Variants in OCM observed in about 807,000 individuals in gnomAD.
OCM encodes the protein oncomodulin-1.
Under a neutral mutation model 14.1 loss-of-function variants are expected in OCM, and 18 were observed. The ratio of observed to expected loss-of-function variants is 1.28; its 90% CI spans 0.88 to 1.89. The LOEUF is 1.89. Ranked by LOEUF, OCM falls within the 40% of genes most tolerant of loss-of-function variation. The pLI is 0.00. For synonymous variants in OCM, 48 were observed against 51.0 expected, an observed-to-expected ratio of 0.94 and a Z score of 0.25; for missense variants, 140 against 137.6, an observed-to-expected ratio of 1.02 and a Z score of -0.09.
the OCM span, among the ~76,000 whole-genome samples, chr7:5,870,551 G>A: frequency 6.6e-6 from 1 of 152,208 alleles, no homozygotes; most frequent in Non-Finnish European, 1.5e-5. Context: ...GGCCGTGTAG[G>A]AAAAGCAGGG....
upstream of OCM, among the ~76,000 whole-genome samples, chr7:5,877,838 A>G (rs1781126467): frequency 6.9e-6 from 1 of 145,892 alleles, no homozygotes; most frequent in Non-Finnish European, 1.5e-5. Context: ...AAAAAAAAAA[A>G]AAAAAAGGAG....
At position 5,883,881 on chromosome 7, in the gene OCM, A is replaced by G. The variant is rs769388560; in HGVS notation, c.195-9A>G. On this transcript the variant is annotated splice_polypyrimidine_tract_variant and intron_variant, in intron 2 of 3. Coordinates refer to ENST00000242104, the MANE Select transcript of OCM (RefSeq NM_001097622.2). Reference sequence around the variant, plus strand: ...TTGAAAATCCCCATGGATCTTTATTATCCTGTAGGTTTTTCCTCCAGAAGT... The same window carrying G: ...TTGAAAATCCCCATGGATCTTTATTGTCCTGTAGGTTTTTCCTCCAGAAGT... 1.9e-6 allele frequency: 3 copies of G among 1,612,416 alleles called. No homozygotes were observed. In the East Asian group the frequency reaches 6.7e-5, roughly 36 times the overall value.
chr7:5,880,856 C>G lies in OCM; in HGVS notation c.-34C>G. 6.2e-7 allele frequency: 1 copy of G among 1,605,636 alleles called. No individual in the cohort carries two copies. Among genetic ancestry groups the G allele is most frequent in the Non-Finnish European group, 8.5e-7 (1 of 1,172,534 alleles). ...GTGCACATTCCTGTTTGTGGCTTAT[C>G]GCCTCTCATTTATTCTGTGTGAGTA... On this transcript the variant is annotated 5_prime_UTR_variant, in exon 1 of 4. It adds an upstream start codon to the 5' untranslated region. Coordinates refer to ENST00000242104, the MANE Select transcript of OCM (RefSeq NM_001097622.2).
chr7:5,875,222 T>A (rs1781072200), upstream of OCM, among the ~76,000 whole-genome samples: 1 of 151,640 alleles, frequency 6.6e-6, no homozygotes, highest in African/African-American at 2.4e-5. Flanking sequence ...GCCCAGATAA[T>A]TTTTTTGTAT....
chr7:5,865,225 A>T, the OCM span, among the ~76,000 whole-genome samples: 2 of 152,270 alleles, frequency 1.3e-5, no homozygotes, highest in South Asian at 4.1e-4. Context: ...CATGTTTTTG[A>T]TCTATTCTAA....
the OCM span, among the ~76,000 whole-genome samples, chr7:5,862,768 G>A: frequency 4.0e-5 from 6 of 151,676 alleles, no homozygotes; most frequent in Middle Eastern, 3.2e-3. Flanking sequence ...TTTATCTTGC[G>A]TAAAATGTAG....
intron 3 of OCM, among the ~76,000 whole-genome samples, chr7:5,885,112 C>T (rs1160622691): frequency 1.1e-5 from 1 of 91,720 alleles, no homozygotes; most frequent in Non-Finnish European, 2.2e-5. Flanking sequence ...AAGAGTGAAA[C>T]TCTATCTCAA....
At chr7:5,872,517 G>A in the OCM span, among the ~76,000 whole-genome samples, 1 of 152,204 alleles carries the variant, frequency 6.6e-6, no homozygotes, top group Non-Finnish European at 1.5e-5. Context: ...CACAGAGACA[G>A]CTGGATGCAG....
At chr7:5,881,650 T>TAAATAAATAAAG (rs1781218157) in intron 1 of OCM, among the ~76,000 whole-genome samples, 1 of 151,290 alleles carries the variant, frequency 6.6e-6, no homozygotes, top group African/African-American at 2.4e-5. Context: ...AATAAATAAA[T>TAAATAAATAAAG]AAATAAGAGG....
upstream of OCM, among the ~76,000 whole-genome samples, chr7:5,879,369 G>T (rs1781162166): frequency 6.6e-6 from 1 of 152,086 alleles, no homozygotes; most frequent in Non-Finnish European, 1.5e-5. Flanking sequence ...CAAGAGTTTT[G>T]TAGGAAAGTC....
At chr7:5,869,197 C>T in the OCM span, among the ~76,000 whole-genome samples, 1 of 152,182 alleles carries the variant, frequency 6.6e-6, no homozygotes, top group African/African-American at 2.4e-5. Flanking sequence ...AAGAGAGGAA[C>T]TCAGGAAGCA....
chr7:5,874,803 A>G, the OCM span, among the ~76,000 whole-genome samples: 1 of 151,834 alleles, frequency 6.6e-6, no homozygotes, highest in Non-Finnish European at 1.5e-5. Context: ...GCCGCACCCA[A>G]CCCATCTTAA....
chr7:5,871,872 C>G, the OCM span: 8 of 152,172 alleles, frequency 5.3e-5, no homozygotes, highest in African/African-American at 1.9e-4. Context: ...GGCTGGTTCA[C>G]CCTCCTTAGG....
upstream of OCM, among the ~76,000 whole-genome samples, chr7:5,876,640 A>G (rs1384309767): frequency 6.6e-6 from 1 of 152,200 alleles, no homozygotes; most frequent in Admixed American, 6.5e-5. Context: ...AGGTTTGGTC[A>G]TTTAAGAGAG....
chr7:5,871,916 C>T, the OCM span: 2 of 152,192 alleles, frequency 1.3e-5, no homozygotes, highest in African/African-American at 4.8e-5. Context: ...AGGAGGTCAC[C>T]ATATTGATGC....
chr7:5,863,648 T>C, the OCM span, among the ~76,000 whole-genome samples: 2 of 151,396 alleles, frequency 1.3e-5, no homozygotes, highest in East Asian at 3.9e-4. Flanking sequence ...TTCTCCTGCA[T>C]CAGCCTTCCA....
the OCM span, among the ~76,000 whole-genome samples, chr7:5,873,465 G>A: frequency 6.6e-6 from 1 of 152,066 alleles, no homozygotes. Context: ...TCAGGAGATT[G>A]AGGCAGGAGG....
intron 3 of OCM, 57 bp from the exon 4 acceptor site, chr7:5,886,007 C>G: frequency 6.2e-7 from 1 of 1,612,752 alleles, no homozygotes; most frequent in Non-Finnish European, 8.5e-7. Context: ...GGCCACGGCA[C>G]GTCTGTAAAG....
intron 1 of OCM, 128 bp from the exon 2 acceptor site, chr7:5,882,365 C>G (rs1781235483): frequency 1.8e-6 from 2 of 1,116,268 alleles, no homozygotes; most frequent in Non-Finnish European, 2.6e-6. Context: ...AATCTTGGAC[C>G]AGTTGAGCAT....
Sources: allele counts gnomAD v4.1 joint callset (sites outside exome capture counted in the v4.1 genomes callset), GRCh38; gene constraint gnomAD v4.1.1; transcripts MANE v1.5; gene names NCBI Gene and HGNC (gene_info 2026-07-23, HGNC 2026-07-21).